Variants in CDH11 observed in about 807,000 individuals in gnomAD.
CDH11 encodes the protein cadherin-11.
A neutral mutation model predicts 67.8 loss-of-function variants in CDH11; 11 were observed. The observed-to-expected ratio is 0.16, with a 90% CI of 0.10 to 0.27. The LOEUF is 0.27. Ranked by LOEUF, CDH11 falls within the 10% of genes least tolerant of loss-of-function variation. The pLI, the probability that CDH11 is intolerant of heterozygous loss-of-function variation, is 1.00. For synonymous variants in CDH11, 419 were observed against 400.0 expected (o/e 1.05, Z -0.57); for missense variants, 847 against 1,031.2 (o/e 0.82, Z 2.45).
In CDH11 at chr16:65,046,418, A is replaced by G. The variant is rs139291845; in HGVS notation, c.-173+7386T>C. Among the ~76,000 whole-genome samples the G allele has an allele frequency of 3.7e-4, 56 of 152,294 alleles. No individual in the cohort carries two copies. The East Asian group carries it at 0.011, about 29-fold the overall frequency. ...GGCCCAAAGAGGGGCACCTCCAGCCATCTCCATCCTAGGGATGGATCCCCA... is the reference window on the plus strand; with the variant it reads ...GGCCCAAAGAGGGGCACCTCCAGCCGTCTCCATCCTAGGGATGGATCCCCA... On this transcript the variant is annotated intron_variant, in intron 2 of 12. Coordinates refer to ENST00000268603, the MANE Select transcript of CDH11 (RefSeq NM_001797.4).
chr16:65,098,320 A>G (rs1365543823), intron 1 of CDH11, among the ~76,000 whole-genome samples: 1 of 152,042 alleles, frequency 6.6e-6, no homozygotes, highest in African/African-American at 2.4e-5. Context: ...ATCAGATACT[A>G]CTGTAAGATA....
rs575340955 is a variant in CDH11 at position 64,947,031 on chromosome 16, T to C, written c.*572A>G. The C allele has an allele frequency of 5.6e-5, 58 of 1,029,104 alleles. 2 individuals are homozygous for C. The South Asian group carries it at 1.7e-3, about 30-fold the overall frequency. 63.7% of individuals were successfully genotyped at this position (1,029,104 alleles called of 1,614,324 possible). Reference sequence around the variant, plus strand: ...ATATCTGGCACGTATTAGTTTAAGATGAAAGTAGAAGCAAAAAGATTTACA... The same window carrying C: ...ATATCTGGCACGTATTAGTTTAAGACGAAAGTAGAAGCAAAAAGATTTACA... On this transcript the variant is annotated 3_prime_UTR_variant, in exon 13 of 13. Transcript: ENST00000268603.
chr16:65,036,889 T>G (rs7498373), intron 2 of CDH11, among the ~76,000 whole-genome samples: 136,753 of 152,170 alleles, frequency 0.9, 61,527 homozygotes, highest in East Asian at 1. Context: ...ACTCAGAAAA[T>G]AAGAAATTTT....
intron 1 of CDH11, among the ~76,000 whole-genome samples, chr16:65,069,204 T>C (rs1390190458): frequency 1.3e-5 from 2 of 152,150 alleles, no homozygotes; most frequent in Non-Finnish European, 2.9e-5. Context: ...TTCCCCAAAG[T>C]CACAATGCTG....
intron 6 of CDH11, among the ~76,000 whole-genome samples, chr16:64,988,905 C>T (rs943031263): frequency 2.0e-5 from 3 of 152,134 alleles, no homozygotes; most frequent in Non-Finnish European, 4.4e-5. Context: ...ACAAGTTGGT[C>T]ATGCGTTACC....
chr16:64,997,894 A>G (rs1003303539), intron 4 of CDH11, among the ~76,000 whole-genome samples: 5 of 152,318 alleles, frequency 3.3e-5, no homozygotes, highest in Non-Finnish European at 5.9e-5. Context: ...AGTTCTACTC[A>G]CTGTTTGAAA....
chr16:65,079,431 T>A (rs1190946180), intron 1 of CDH11, among the ~76,000 whole-genome samples: 2 of 152,254 alleles, frequency 1.3e-5, no homozygotes, highest in Admixed American at 1.3e-4. Context: ...TTTAAATGTA[T>A]GCTTTTACTT....
chr16:65,060,262 T>C (rs1042231868), intron 1 of CDH11, among the ~76,000 whole-genome samples: 13 of 151,972 alleles, frequency 8.6e-5, no homozygotes, highest in African/African-American at 2.9e-4. Flanking sequence ...TCAGCAATGA[T>C]GATTTTGCTA....
At chr16:65,112,348 A>C (rs2075175296) in intron 1 of CDH11, among the ~76,000 whole-genome samples, 1 of 152,150 alleles carries the variant, frequency 6.6e-6, no homozygotes, top group Non-Finnish European at 1.5e-5. Context: ...TGGCCTCTGT[A>C]GTCTCTCCCT....
chr16:65,085,869 C>T (rs2074689145), intron 1 of CDH11, among the ~76,000 whole-genome samples: 1 of 152,202 alleles, frequency 6.6e-6, no homozygotes, highest in Non-Finnish European at 1.5e-5. Flanking sequence ...AAGGTACTAT[C>T]CTTATACTCT....
chr16:65,115,664 T>C (rs1194555421), intron 1 of CDH11, among the ~76,000 whole-genome samples: 1 of 118,744 alleles, frequency 8.4e-6, no homozygotes, highest in African/African-American at 3.5e-5. Context: ...ACTTTGTAAG[T>C]AATGGAGGCA....
intron 2 of CDH11, among the ~76,000 whole-genome samples, chr16:65,036,339 A>G (rs1177696925): frequency 2.0e-5 from 3 of 152,038 alleles, no homozygotes; most frequent in Non-Finnish European, 4.4e-5. Context: ...GGCTTTATTC[A>G]AAGGCTTGGC....
intron 2 of CDH11, among the ~76,000 whole-genome samples, chr16:65,027,610 G>T (rs2073560284): frequency 6.6e-6 from 1 of 152,152 alleles, no homozygotes; most frequent in Admixed American, 6.5e-5. Context: ...CATGAACTTG[G>T]GCAACAAGGA....
intron 4 of CDH11, among the ~76,000 whole-genome samples, chr16:64,997,161 G>A (rs905485435): frequency 9.2e-5 from 14 of 151,834 alleles, no homozygotes; most frequent in Admixed American, 5.9e-4. Flanking sequence ...TTAGCCGGGC[G>A]TGGTGGCGCG....
intron 7 of CDH11, chr16:64,983,127 T>A (rs1035229154): frequency 2.4e-4 from 29 of 122,912 alleles, no homozygotes; most frequent in African/African-American, 5.6e-4. Context: ...TTTCCTTTTT[T>A]AAAATGCTTC....
chr16:65,046,487 G>A (rs1441152615), intron 2 of CDH11, among the ~76,000 whole-genome samples: 1 of 152,192 alleles, frequency 6.6e-6, no homozygotes, highest in African/African-American at 2.4e-5. Flanking sequence ...CAGGGAAACT[G>A]ACAATGAGAG....
chr16:64,977,377 A>C (rs986940256), intron 8 of CDH11, among the ~76,000 whole-genome samples: 8 of 152,180 alleles, frequency 5.3e-5, no homozygotes, highest in African/African-American at 1.9e-4. Flanking sequence ...TGAAAACATG[A>C]CCCAAATAAT....
chr16:65,024,618 A>G (rs902219755), intron 2 of CDH11, among the ~76,000 whole-genome samples: 2 of 152,244 alleles, frequency 1.3e-5, no homozygotes, highest in Non-Finnish European at 2.9e-5. Context: ...CATTACAAAA[A>G]GTTCTATTAG....
intron 2 of CDH11, among the ~76,000 whole-genome samples, chr16:65,019,092 A>G (rs765713318): frequency 6.6e-6 from 1 of 152,246 alleles, no homozygotes; most frequent in Non-Finnish European, 1.5e-5. Flanking sequence ...AATAAAACCC[A>G]AAGAAAGCCA....
Sources: gnomAD v4.1 joint callset for allele counts (sites outside exome capture counted in the v4.1 genomes callset) on GRCh38, gnomAD v4.1.1 for gene constraint, MANE v1.5 for transcripts, NCBI Gene and HGNC (gene_info 2026-07-23, HGNC 2026-07-21) for gene names.